The following KHDRBS1 variants were observed in gnomAD, a reference collection of about 807,000 sequenced individuals.
KHDRBS1 encodes the protein KH RNA binding domain containing, signal transduction associated 1.
Under a neutral mutation model 48.4 loss-of-function variants are expected in KHDRBS1, and 7 were observed. The observed-to-expected ratio is 0.14, with a 90% CI of 0.08 to 0.27. The LOEUF is 0.27. KHDRBS1 is among the 10% of genes least tolerant of loss of function. The probability of loss-of-function intolerance (pLI) is 1.00; values close to 1 mark genes in which losing one functional copy is unlikely to be tolerated. For synonymous variants in KHDRBS1, 241 were observed against 235.8 expected (o/e 1.02, Z -0.20); for missense variants, 458 against 601.2 (o/e 0.76, Z 2.49).
chr1:32,044,323 G>A (rs1178382874), downstream of KHDRBS1, among the ~76,000 whole-genome samples: 1 of 152,228 alleles, frequency 6.6e-6, no homozygotes, highest in Admixed American at 6.5e-5. Flanking sequence ...AGGCATGACA[G>A]TTCAGCCAAC....
intron 1 of KHDRBS1, among the ~76,000 whole-genome samples, chr1:32,022,795 CAGG>C (rs1455670678): frequency 1.3e-5 from 2 of 151,880 alleles, no homozygotes; most frequent in South Asian, 4.2e-4. Flanking sequence ...GAGGCTGAGA[CAGG>C]AGAATTGCTT....
intron 10 of KHDRBS1, among the ~76,000 whole-genome samples, chr1:32,053,012 A>G (rs1639441703): frequency 6.7e-6 from 1 of 148,688 alleles, no homozygotes; most frequent in Admixed American, 6.7e-5. Flanking sequence ...AAAAAGCTAG[A>G]TGTGGTGGTG....
At chr1:32,023,572 G>A (rs983490856) in intron 1 of KHDRBS1, among the ~76,000 whole-genome samples, 12 of 152,182 alleles carry the variant, frequency 7.9e-5, no homozygotes, top group African/African-American at 2.7e-4. Flanking sequence ...GATATCCAAG[G>A]TCTCCAGAGA....
chr1:32,050,858 A>G (rs1639410721), intron 10 of KHDRBS1, among the ~76,000 whole-genome samples: 2 of 150,826 alleles, frequency 1.3e-5, no homozygotes, highest in Admixed American at 1.3e-4. Context: ...ATTTTATGTT[A>G]ACTTTTGTGT....
chr1:32,029,447 C>T (rs964932821), intron 1 of KHDRBS1, among the ~76,000 whole-genome samples: 2 of 152,122 alleles, frequency 1.3e-5, no homozygotes, highest in Non-Finnish European at 2.9e-5. Context: ...CACCTGAGGT[C>T]GGGAGTTCGA....
Position 32,013,963 on chromosome 1 carries a change from C to A in KHDRBS1, c.-33C>A, listed in dbSNP as rs746579121. 1 of 1,436,144 alleles carries A rather than the reference C, an allele frequency of 7.0e-7. No homozygotes were observed. The highest frequency in any genetic ancestry group is 1.5e-5 in the African/African-American group (1 of 67,214). 89.0% of individuals were successfully genotyped at this position (1,436,144 alleles called of 1,614,324 possible). A position where few individuals can be genotyped will look rare whatever the true frequency, so the allele number is the denominator to read the frequency against. On this transcript the variant is annotated 5_prime_UTR_variant, in exon 1 of 9. Coordinates refer to ENST00000327300, the MANE Select transcript of KHDRBS1 (RefSeq NM_006559.3). ...TCGGGCCTCCGTCGCTGCCGCGTCG[C>A]TTTCTCGCTCCTTGGATCGCACATC...
intron 10 of KHDRBS1, among the ~76,000 whole-genome samples, chr1:32,059,172 AAAAAAAAAAAAAC>A (rs1394522293): frequency 4.0e-5 from 6 of 151,300 alleles, no homozygotes; most frequent in Non-Finnish European, 7.4e-5. Context: ...GGAGAAAAAA[AAAAAAAAAAAAAC>A]AAAACCTTTT....
chr1:32,027,700 T>A (rs561977947), intron 1 of KHDRBS1, among the ~76,000 whole-genome samples: 1 of 152,336 alleles, frequency 6.6e-6, no homozygotes, highest in East Asian at 1.9e-4. Flanking sequence ...CATCTGAAAT[T>A]AGGCTTTTTA....
chr1:32,037,033 C>A lies in KHDRBS1; in HGVS notation c.895C>A (p.Pro299Thr). 1.9e-6 allele frequency: 3 copies of A among 1,613,382 alleles called. No individual in the cohort carries two copies. Among genetic ancestry groups the A allele is most frequent in the Non-Finnish European group, 2.5e-6 (3 of 1,179,728 alleles). Reference protein sequence around the residue: ...RGRGAAPPPPPVPRGRGVGPP... With the variant: ...RGRGAAPPPPTVPRGRGVGPP... The stretch of plus-strand genomic sequence containing the variant: ...CCGGGGAGCTGCACCTCCTCCACCA[C>A]CTGTTCCCAGGTAAAAATAATGGAG... The change falls in exon 5 of 9, where the codon CCT becomes ACT. Residue 299 changes from proline (P) to threonine (T), a missense_variant. Pro to Thr is a conservative substitution (Grantham distance 38). Coordinates refer to ENST00000327300, the MANE Select transcript of KHDRBS1 (RefSeq NM_006559.3).
chr1:32,038,511 T>C (rs968634000), intron 6 of KHDRBS1, 41 bp from the exon 7 acceptor site: 8 of 1,590,260 alleles, frequency 5.0e-6, no homozygotes, highest in Non-Finnish European at 6.0e-6. Flanking sequence ...CTCTCTATGA[T>C]TTTGATCTTT....
chr1:32,038,445 A>G, intron 6 of KHDRBS1, 107 bp from the exon 7 acceptor site: 1 of 1,082,354 alleles, frequency 9.2e-7, no homozygotes, highest in Non-Finnish European at 1.4e-6. Flanking sequence ...GGGAAATGTC[A>G]TGTCCTTTTA....
chr1:32,019,359 G>A (rs755853830), intron 1 of KHDRBS1, among the ~76,000 whole-genome samples: 5 of 152,186 alleles, frequency 3.3e-5, no homozygotes, highest in African/African-American at 9.6e-5. Context: ...AGACCAGCCT[G>A]ACCAACATGG....
chr1:32,022,168 T>C (rs1638872038), intron 1 of KHDRBS1, among the ~76,000 whole-genome samples: 1 of 151,972 alleles, frequency 6.6e-6, no homozygotes, highest in African/African-American at 2.4e-5. Context: ...TCTTTAAATC[T>C]TTAGTAGAGA....
chr1:32,037,459 T>A (rs922451473), intron 5 of KHDRBS1, among the ~76,000 whole-genome samples: 12 of 149,462 alleles, frequency 8.0e-5, no homozygotes, highest in Non-Finnish European at 1.6e-4. Flanking sequence ...AAAAAAAAAA[T>A]AGAGTTCTAG....
At chr1:32,041,013 C>T (rs1373698157) in intron 8 of KHDRBS1, among the ~76,000 whole-genome samples, 1 of 152,170 alleles carries the variant, frequency 6.6e-6, no homozygotes, top group Non-Finnish European at 1.5e-5. Context: ...TGAGGCAGTA[C>T]AGTGGGGCCT....
intron 10 of KHDRBS1, among the ~76,000 whole-genome samples, chr1:32,053,026 G>A (rs911047492): frequency 1.2e-4 from 19 of 152,016 alleles, no homozygotes; most frequent in African/African-American, 4.6e-4. Context: ...GGTGGTGCAC[G>A]CCTGTAGTCC....
At chr1:32,021,161 G>A (rs1220792118) in intron 1 of KHDRBS1, among the ~76,000 whole-genome samples, 4 of 152,018 alleles carry the variant, frequency 2.6e-5, no homozygotes, top group African/African-American at 9.7e-5. Flanking sequence ...TCTAAATTGT[G>A]CACTAAGGAA....
At chr1:32,038,848 C>G (rs1202273200) in intron 7 of KHDRBS1, among the ~76,000 whole-genome samples, 1 of 152,146 alleles carries the variant, frequency 6.6e-6, no homozygotes, top group Non-Finnish European at 1.5e-5. Context: ...TGCCACCATG[C>G]AATGCTTTCC....
chr1:32,027,826 CTGTT>C (rs1639005146), intron 1 of KHDRBS1, among the ~76,000 whole-genome samples: 1 of 152,074 alleles, frequency 6.6e-6, no homozygotes, highest in South Asian at 2.1e-4. Context: ...ATTTTAAAAA[CTGTT>C]AGGCCAGTAC....
Sources: allele counts gnomAD v4.1 joint callset (sites outside exome capture counted in the v4.1 genomes callset), GRCh38; gene constraint gnomAD v4.1.1; transcripts MANE v1.5; gene names NCBI Gene and HGNC (gene_info 2026-07-23, HGNC 2026-07-21).